The following SMYD3 variants were observed in gnomAD, a reference collection of about 807,000 sequenced individuals.
SMYD3 encodes SET and MYND domain containing 3.
Under a neutral mutation model 57.7 loss-of-function variants are expected in SMYD3, and 36 were observed. The observed-to-expected ratio is 0.62, with a 90% confidence interval of 0.48 to 0.82. The LOEUF (loss-of-function observed/expected upper bound fraction) is 0.82, where lower values mean the gene tolerates loss of function less well. SMYD3 is among the 40% of genes least tolerant of loss of function. SMYD3 has a pLI of 0.00. For missense variants in SMYD3, 515 were observed against 538.8 expected, an observed-to-expected ratio of 0.96 and a Z score of 0.44; for synonymous variants, 211 against 195.0, an observed-to-expected ratio of 1.08 and a Z score of -0.68.
chr1:246,437,837 G>C (rs2067403053), intron 1 of SMYD3, among the ~76,000 whole-genome samples: 1 of 152,128 alleles, frequency 6.6e-6, no homozygotes, highest in Non-Finnish European at 1.5e-5. Context: ...AAACTGAAAT[G>C]CAATAATGCA....
intron 5 of SMYD3, among the ~76,000 whole-genome samples, chr1:246,291,410 C>T (rs746941292): frequency 2.6e-5 from 4 of 152,216 alleles, no homozygotes; most frequent in Non-Finnish European, 5.9e-5. Flanking sequence ...GGCACCTAAG[C>T]AAGCCCAGTG....
At chr1:246,035,004 C>A (rs964519047) in intron 5 of SMYD3, among the ~76,000 whole-genome samples, 10 of 152,106 alleles carry the variant, frequency 6.6e-5, no homozygotes, top group South Asian at 2.1e-4. Context: ...AGTGTTCCGG[C>A]CTCAAAAATA....
At chr1:246,358,903 A>C (rs565654345) in intron 1 of SMYD3, among the ~76,000 whole-genome samples, 1 of 152,268 alleles carries the variant, frequency 6.6e-6, no homozygotes, top group East Asian at 1.9e-4. Context: ...ACACCTCACA[A>C]AACTGGAGAA....
intron 8 of SMYD3, among the ~76,000 whole-genome samples, chr1:245,865,005 C>G (rs2051753325): frequency 6.6e-6 from 1 of 152,230 alleles, no homozygotes; most frequent in African/African-American, 2.4e-5. Context: ...AGCAGGTCCT[C>G]TGCTTCCGGT....
chr1:246,333,633 G>T (rs915560906), intron 3 of SMYD3, among the ~76,000 whole-genome samples: 1 of 152,126 alleles, frequency 6.6e-6, no homozygotes, highest in Non-Finnish European at 1.5e-5. Flanking sequence ...CAGCACTTGG[G>T]GAGGCCTAGG....
rs1480131619 is a variant in SMYD3 at position 246,448,702 on chromosome 1, TTTAA to T, written c.164+58348_164+58351del. 1.1e-3 allele frequency among the ~76,000 whole-genome samples: 105 copies of T among 92,910 alleles called. 1 individual carries two copies. Among genetic ancestry groups the T allele is most frequent in the African/African-American group, 4.1e-3 (77 of 18,592 alleles). The allele number at this position is 92,910 out of a possible 152,430, so 61.0% of individuals were successfully genotyped here. ...ACACAGCAAGATCTCATCTCTTTTTTTTAAAAAAAAAAAAAAAAAAAAAAAAGGA... is the reference window on the plus strand; with the variant it reads ...ACACAGCAAGATCTCATCTCTTTTTTAAAAAAAAAAAAAAAAAAAAAAGGA... On this transcript the variant is annotated intron_variant, in intron 1 of 11. Coordinates refer to ENST00000490107, the MANE Select transcript of SMYD3 (RefSeq NM_001167740.2).
chr1:245,993,466 G>A (rs1213714807), intron 5 of SMYD3, among the ~76,000 whole-genome samples: 1 of 152,122 alleles, frequency 6.6e-6, no homozygotes, highest in African/African-American at 2.4e-5. Context: ...CAAGCATGGT[G>A]GTGCTCACCT....
chr1:245,882,398 A>C (rs931707313), intron 8 of SMYD3, among the ~76,000 whole-genome samples: 1 of 152,324 alleles, frequency 6.6e-6, no homozygotes, highest in South Asian at 2.1e-4. Context: ...TCCCTAAGTC[A>C]TCAAACCTTC....
At chr1:246,376,705 T>C (rs939745298) in intron 1 of SMYD3, among the ~76,000 whole-genome samples, 2 of 151,994 alleles carry the variant, frequency 1.3e-5, no homozygotes, top group African/African-American at 2.4e-5. Flanking sequence ...CTGGTCTCAG[T>C]CCTGACTTAA....
intron 10 of SMYD3, among the ~76,000 whole-genome samples, chr1:245,844,308 T>A (rs1467822820): frequency 6.6e-6 from 1 of 152,212 alleles, no homozygotes; most frequent in South Asian, 2.1e-4. Flanking sequence ...GATGGATACA[T>A]GTACCCCATC....
intron 5 of SMYD3, among the ~76,000 whole-genome samples, chr1:245,986,436 C>T (rs903525031): frequency 6.6e-6 from 1 of 152,216 alleles, no homozygotes; most frequent in East Asian, 1.9e-4. Context: ...CTGTATGCAA[C>T]TGTGCTGTTA....
chr1:246,166,088 C>T (rs1203197116), intron 5 of SMYD3, among the ~76,000 whole-genome samples: 1 of 151,504 alleles, frequency 6.6e-6, no homozygotes, highest in Non-Finnish European at 1.5e-5. Flanking sequence ...GACTAGGTTC[C>T]CCTCCCTTTT....
intron 5 of SMYD3, among the ~76,000 whole-genome samples, chr1:246,131,963 G>C (rs918656943): frequency 2.0e-4 from 31 of 152,068 alleles, no homozygotes; most frequent in African/African-American, 7.2e-4. Context: ...GAAGCACAGG[G>C]GAATGATATC....
At chr1:246,054,246 G>A (rs567331196) in intron 5 of SMYD3, among the ~76,000 whole-genome samples, 3 of 152,266 alleles carry the variant, frequency 2.0e-5, no homozygotes, top group Admixed American at 6.5e-5. Flanking sequence ...TAGAATGGCT[G>A]AAATTAAAAA....
At chr1:246,123,226 A>C (rs746030124) in intron 5 of SMYD3, among the ~76,000 whole-genome samples, 1 of 152,206 alleles carries the variant, frequency 6.6e-6, no homozygotes, top group Non-Finnish European at 1.5e-5. Flanking sequence ...TCAAGGTGCA[A>C]GCAGGTGATA....
chr1:246,301,883 G>A (rs566939165), intron 5 of SMYD3, among the ~76,000 whole-genome samples: 5 of 152,086 alleles, frequency 3.3e-5, no homozygotes, highest in South Asian at 2.1e-4. Context: ...GTTTAAGAGA[G>A]GGACAGAAAG....
chr1:246,318,425 T>C (rs576659291), intron 5 of SMYD3, among the ~76,000 whole-genome samples: 1 of 152,308 alleles, frequency 6.6e-6, no homozygotes, highest in East Asian at 1.9e-4. Flanking sequence ...TTTATCAAAG[T>C]GTGCTCCACA....
intron 1 of SMYD3, among the ~76,000 whole-genome samples, chr1:246,439,173 G>A (rs1025202558): frequency 2.6e-5 from 4 of 151,450 alleles, no homozygotes; most frequent in Non-Finnish European, 4.4e-5. Context: ...TGTTGCCCAG[G>A]CTGGCCCCAA....
intron 5 of SMYD3, among the ~76,000 whole-genome samples, chr1:246,262,692 T>G (rs926141765): frequency 6.6e-6 from 1 of 152,132 alleles, no homozygotes; most frequent in Non-Finnish European, 1.5e-5. Flanking sequence ...AGTACCTAGG[T>G]CATATTAGGT....
Sources: gnomAD v4.1 joint callset for allele counts (sites outside exome capture counted in the v4.1 genomes callset) on GRCh38, gnomAD v4.1.1 for gene constraint, MANE v1.5 for transcripts, NCBI Gene and HGNC (gene_info 2026-07-23, HGNC 2026-07-21) for gene names.